The following CAMK2D variants were observed in gnomAD, a reference collection of about 807,000 sequenced individuals.
CAMK2D encodes calcium/calmodulin-dependent protein kinase type II subunit delta.
In CAMK2D, 37 loss-of-function variants were observed where a neutral mutation model predicts 84.0. That is an observed-to-expected ratio of 0.44 (90% CI 0.34 to 0.58). The LOEUF (loss-of-function observed/expected upper bound fraction) is 0.58. Among genes scored for constraint, CAMK2D ranks in the 20% least tolerant of loss-of-function variants. CAMK2D has a pLI of 0.02. For synonymous variants in CAMK2D, 202 were observed against 212.5 expected (o/e 0.95, Z 0.43); for missense variants, 448 against 652.5 (o/e 0.69, Z 3.41).
chr4:113,754,593 G>A (rs945777848), intron 2 of CAMK2D: 10 of 982,422 alleles, frequency 1.0e-5, no homozygotes, highest in Non-Finnish European at 1.2e-5. Flanking sequence ...TAATATCACA[G>A]TATGGCACCT....
chr4:113,508,620 T>C (rs1353799720), intron 13 of CAMK2D, among the ~76,000 whole-genome samples: 3 of 152,182 alleles, frequency 2.0e-5, no homozygotes, highest in African/African-American at 4.8e-5. Flanking sequence ...GAAGACACAA[T>C]TGCAGGCTGA....
At chr4:113,590,645 T>C (rs1345063319) in intron 4 of CAMK2D, among the ~76,000 whole-genome samples, 1 of 152,154 alleles carries the variant, frequency 6.6e-6, no homozygotes, top group Non-Finnish European at 1.5e-5. Context: ...CCAATAAAAG[T>C]TCTGGTTAAT....
intron 2 of CAMK2D, among the ~76,000 whole-genome samples, chr4:113,690,894 T>G (rs1376175114): frequency 6.6e-6 from 1 of 152,242 alleles, no homozygotes; most frequent in Non-Finnish European, 1.5e-5. Flanking sequence ...TTCTGAACAC[T>G]TCTCTTGATA....
chr4:113,487,088 A>G (rs1418795976), intron 16 of CAMK2D, among the ~76,000 whole-genome samples: 1 of 152,220 alleles, frequency 6.6e-6, no homozygotes, highest in Non-Finnish European at 1.5e-5. Context: ...AAGCTCTTTC[A>G]TTAAGCTCCT....
chr4:113,645,626 T>C (rs1385325393), intron 3 of CAMK2D, among the ~76,000 whole-genome samples: 1 of 152,058 alleles, frequency 6.6e-6, no homozygotes, highest in Non-Finnish European at 1.5e-5. Context: ...GCTTTTTGCT[T>C]GGAAGGGTAG....
chr4:113,761,651 G>T lies in CAMK2D; in HGVS notation c.-583C>A. ...CGAGGCCGGCTTCCCTCCGGCGGGC[G>T]GCAGCGGCTCCGGCGAAGCGAGGCA... On this transcript the variant is annotated 5_prime_UTR_variant, in exon 1 of 21. Transcript: ENST00000511664. 2 of 985,070 alleles carry T rather than the reference G, an allele frequency of 2.0e-6. No individual in the cohort carries two copies. Among genetic ancestry groups the T allele is most frequent in the Non-Finnish European group, 2.4e-6 (2 of 829,774 alleles). 61.0% of individuals were successfully genotyped at this position (985,070 alleles called of 1,614,324 possible). A position where few individuals can be genotyped will look rare whatever the true frequency, so the allele number is the denominator to read the frequency against.
chr4:113,538,060 C>A (rs537964173), intron 6 of CAMK2D, among the ~76,000 whole-genome samples: 1 of 152,058 alleles, frequency 6.6e-6, no homozygotes, highest in East Asian at 1.9e-4. Flanking sequence ...CTACTATTTG[C>A]CAAATGTTAT....
At chr4:113,538,351 C>G (rs928570559) in intron 6 of CAMK2D, among the ~76,000 whole-genome samples, 4 of 152,000 alleles carry the variant, frequency 2.6e-5, no homozygotes, top group African/African-American at 9.7e-5. Context: ...CCATGAATCG[C>G]CTTTGTGGAT....
intron 2 of CAMK2D, among the ~76,000 whole-genome samples, chr4:113,749,234 T>C (rs1039359421): frequency 6.6e-6 from 1 of 151,944 alleles, no homozygotes; most frequent in African/African-American, 2.4e-5. Flanking sequence ...GTATTAGCAC[T>C]GTAAAGCTAT....
intron 13 of CAMK2D, among the ~76,000 whole-genome samples, chr4:113,507,068 T>C (rs1451127347): frequency 6.6e-6 from 1 of 152,232 alleles, no homozygotes; most frequent in Non-Finnish European, 1.5e-5. Context: ...TCATGTTTAA[T>C]ATGCAGTTAA....
chr4:113,526,213 G>A (rs927413375), intron 8 of CAMK2D, among the ~76,000 whole-genome samples: 14 of 152,076 alleles, frequency 9.2e-5, no homozygotes, highest in East Asian at 1.9e-4. Context: ...TAGACAAAGC[G>A]TCCACACAGT....
At chr4:113,470,931 A>G (rs1288972117) in intron 16 of CAMK2D, among the ~76,000 whole-genome samples, 1 of 152,210 alleles carries the variant, frequency 6.6e-6, no homozygotes, top group Non-Finnish European at 1.5e-5. Flanking sequence ...TCGATTCCCA[A>G]TCCAATGACC....
chr4:113,697,559 TC>T (rs933134322), intron 2 of CAMK2D, among the ~76,000 whole-genome samples: 3 of 152,124 alleles, frequency 2.0e-5, no homozygotes, highest in African/African-American at 7.2e-5. Flanking sequence ...TATATTTTCT[TC>T]TTTCTGTACT....
intron 13 of CAMK2D, among the ~76,000 whole-genome samples, chr4:113,506,866 A>C (rs1347168238): frequency 6.6e-6 from 1 of 151,870 alleles, no homozygotes; most frequent in African/African-American, 2.4e-5. Context: ...TGTGCACACA[A>C]ACTTATCTGT....
At chr4:113,597,948 G>A (rs979791456) in intron 4 of CAMK2D, among the ~76,000 whole-genome samples, 1 of 152,172 alleles carries the variant, frequency 6.6e-6, no homozygotes, top group Non-Finnish European at 1.5e-5. Flanking sequence ...AGTGGGGGCA[G>A]TCAGAACACA....
At chr4:113,713,325 C>T (rs550251348) in intron 2 of CAMK2D, among the ~76,000 whole-genome samples, 2 of 151,288 alleles carry the variant, frequency 1.3e-5, no homozygotes, top group South Asian at 4.2e-4. Context: ...AGTGACTTTG[C>T]AAATCTATAC....
intron 2 of CAMK2D, among the ~76,000 whole-genome samples, chr4:113,704,241 T>C (rs904076821): frequency 1.3e-5 from 2 of 152,298 alleles, no homozygotes; most frequent in African/African-American, 4.8e-5. Flanking sequence ...TCAGATTTTA[T>C]GTCCTTAACA....
intron 2 of CAMK2D, among the ~76,000 whole-genome samples, chr4:113,679,221 C>G (rs909460614): frequency 6.6e-6 from 1 of 152,000 alleles, no homozygotes; most frequent in Non-Finnish European, 1.5e-5. Flanking sequence ...GTTGTTAATG[C>G]TAAAGAGCTC....
intron 3 of CAMK2D, among the ~76,000 whole-genome samples, chr4:113,659,417 A>T (rs2099217988): frequency 6.6e-6 from 1 of 152,226 alleles, no homozygotes; most frequent in Non-Finnish European, 1.5e-5. Flanking sequence ...CTGATAGCAC[A>T]CTTCAGAATG....
Sources: gnomAD v4.1 joint callset for allele counts (sites outside exome capture counted in the v4.1 genomes callset) on GRCh38, gnomAD v4.1.1 for gene constraint, MANE v1.5 for transcripts, NCBI Gene and HGNC (gene_info 2026-07-23, HGNC 2026-07-21) for gene names.